ADAM22: variants seen among roughly 807,000 people sequenced by gnomAD.
The protein encoded by ADAM22 is ADAM metallopeptidase domain 22.
A neutral mutation model predicts 144.6 loss-of-function variants in ADAM22; 65 were observed. That is an observed-to-expected ratio of 0.45 (90% CI 0.37 to 0.55). The LOEUF (loss-of-function observed/expected upper bound fraction) is 0.55, where lower values mean the gene tolerates loss of function less well. ADAM22 is among the 20% of genes least tolerant of loss of function. The pLI is 0.00. For missense variants in ADAM22, 974 were observed against 1,184.9 expected, an observed-to-expected ratio of 0.82 and a Z score of 2.61; for synonymous variants, 391 against 412.6, an observed-to-expected ratio of 0.95 and a Z score of 0.63.
In ADAM22 at chr7:88,202,193, TCAA is replaced by T. The variant is rs1007906073; in HGVS notation, c.*5705_*5707del. 2.6e-5 allele frequency: 4 copies of T among 152,118 alleles called. No homozygotes were observed. The allele number at this position is 152,118 out of a possible 1,614,324, so 9.4% of individuals were successfully genotyped here. A position where few individuals can be genotyped will look rare whatever the true frequency, so the allele number is the denominator to read the frequency against. On this transcript the variant is annotated 3_prime_UTR_variant, in exon 32 of 32. Coordinates refer to ENST00000413139, the MANE Select transcript of ADAM22 (RefSeq NM_001324418.2). The stretch of plus-strand genomic sequence containing the variant: ...AGTCTTTTTAAAGGGCAAAAATGAC[TCAA>T]CACCTTTGTTTTGTATGGAAAACTT...
intron 3 of ADAM22, among the ~76,000 whole-genome samples, chr7:88,040,378 C>T (rs749536377): frequency 1.3e-5 from 2 of 151,844 alleles, no homozygotes; most frequent in African/African-American, 2.4e-5. Flanking sequence ...GTGATCCACC[C>T]GCCTCAGCCT....
chr7:88,133,399 T>A (rs1357513469), intron 12 of ADAM22, among the ~76,000 whole-genome samples: 1 of 140,324 alleles, frequency 7.1e-6, no homozygotes, highest in Non-Finnish European at 1.6e-5. Flanking sequence ...AATAAATAAA[T>A]AAAATTAAAA....
chr7:88,148,955 C>T lies in ADAM22; in HGVS notation c.1486-22C>T, dbSNP rs554920539. On this transcript the variant is annotated intron_variant, in intron 17 of 31. Transcript: ENST00000413139. ...TTTTTTTTCTCCCTACAGTTTCACA[C>T]GTTGATTTTTGTTCATTTTAGTTTC... 4.4e-6 allele frequency: 7 copies of T among 1,578,772 alleles called. No homozygotes were observed. The African/African-American group carries it at 6.8e-5, about 15-fold the overall frequency.
At chr7:88,149,495 T>C (rs1486234201) in intron 18 of ADAM22, among the ~76,000 whole-genome samples, 2 of 152,286 alleles carry the variant, frequency 1.3e-5, no homozygotes, top group African/African-American at 4.8e-5. Flanking sequence ...CAATAGCTGC[T>C]CTTGAATTTT....
At chr7:87,980,074 T>C (rs1852936180) in intron 3 of ADAM22, among the ~76,000 whole-genome samples, 1 of 152,146 alleles carries the variant, frequency 6.6e-6, no homozygotes, top group Admixed American at 6.6e-5. Context: ...AAGACTTTCT[T>C]TTCCTGAAGG....
chr7:87,967,865 CA>C (rs1849524960), intron 2 of ADAM22, among the ~76,000 whole-genome samples: 1 of 148,594 alleles, frequency 6.7e-6, no homozygotes, highest in Non-Finnish European at 1.5e-5. Flanking sequence ...CAAAGTGTGC[CA>C]AGGTGCTTAC....
chr7:88,070,082 C>G (rs1299593912), intron 3 of ADAM22, among the ~76,000 whole-genome samples: 2 of 152,052 alleles, frequency 1.3e-5, no homozygotes, highest in African/African-American at 4.8e-5. Context: ...AACTGACTGT[C>G]CATTTTGGTC....
At chr7:87,976,463 G>A (rs1851919889) in intron 2 of ADAM22, among the ~76,000 whole-genome samples, 1 of 152,192 alleles carries the variant, frequency 6.6e-6, no homozygotes, top group South Asian at 2.1e-4. Context: ...CCAGGCCAAG[G>A]AGACAGGCCT....
At chr7:88,065,742 T>G (rs900587164) in intron 3 of ADAM22, among the ~76,000 whole-genome samples, 1 of 152,122 alleles carries the variant, frequency 6.6e-6, no homozygotes, top group Admixed American at 6.6e-5. Flanking sequence ...AATTTTTCAG[T>G]GTTTCACAAT....
chr7:88,153,231 A>G lies in ADAM22; in HGVS notation c.1692A>G (p.Ala564=), dbSNP rs973982592. 3 of 1,613,194 alleles carry G rather than the reference A, an allele frequency of 1.9e-6. No homozygotes were observed. The highest frequency in any genetic ancestry group is 4.5e-5 in the East Asian group (2 of 44,850). The part of the protein sequence containing the change: ...CKYIWGQKVT[A]SDKYCYEKLN... Reference sequence around the variant, plus strand: ...TTTTTTCTGCCTTAGAGGTGACAGCATCAGACAAATATTGCTATGAGAAAC... The same window carrying G: ...TTTTTTCTGCCTTAGAGGTGACAGCGTCAGACAAATATTGCTATGAGAAAC... The change falls in exon 21 of 32, where the codon GCA becomes GCG. Residue 564 remains alanine (A), a synonymous_variant. Transcript: ENST00000413139.
chr7:88,145,045 G>T (rs1586161485), intron 15 of ADAM22, 80 bp from the exon 16 acceptor site: 1 of 1,189,732 alleles, frequency 8.4e-7, no homozygotes, highest in East Asian at 2.4e-5. Flanking sequence ...AGGTATATTT[G>T]GGTATGGCAC....
intron 30 of ADAM22, among the ~76,000 whole-genome samples, chr7:88,188,088 A>G (rs1380002152): frequency 6.6e-6 from 1 of 151,962 alleles, no homozygotes; most frequent in Admixed American, 6.6e-5. Context: ...ATCTTGGCTC[A>G]CCTGCAGTCC....
chr7:88,054,977 A>C (rs1807803513), intron 3 of ADAM22, among the ~76,000 whole-genome samples: 1 of 152,168 alleles, frequency 6.6e-6, no homozygotes, highest in South Asian at 2.1e-4. Flanking sequence ...AATTAAAGTC[A>C]GTAGTTTTTT....
At chr7:88,008,722 G>A (rs1794607052) in intron 3 of ADAM22, among the ~76,000 whole-genome samples, 1 of 151,710 alleles carries the variant, frequency 6.6e-6, no homozygotes, top group Non-Finnish European at 1.5e-5. Context: ...GACACAGGAA[G>A]GGGAACATCA....
intron 2 of ADAM22, among the ~76,000 whole-genome samples, chr7:87,955,545 C>G (rs559524626): frequency 1.7e-4 from 26 of 152,304 alleles, no homozygotes; most frequent in African/African-American, 6.3e-4. Flanking sequence ...TCTGCCCCTA[C>G]TGGGGGGTGC....
chr7:88,075,124 G>T (rs200494102), intron 3 of ADAM22, among the ~76,000 whole-genome samples: 1 of 152,088 alleles, frequency 6.6e-6, no homozygotes, highest in South Asian at 2.1e-4. Flanking sequence ...TTTCAAAAAA[G>T]AATAATTTTC....
chr7:87,954,973 C>T (rs1187894594), intron 2 of ADAM22, among the ~76,000 whole-genome samples: 71 of 152,260 alleles, frequency 4.7e-4, no homozygotes, highest in African/African-American at 1.5e-3. Flanking sequence ...CGAGCCTTGG[C>T]TTTCAGCTCC....
intron 20 of ADAM22, 80 bp downstream of exon 20, chr7:88,151,400 A>G (rs1838335347): frequency 6.0e-6 from 9 of 1,500,632 alleles, no homozygotes; most frequent in Non-Finnish European, 8.3e-6. Flanking sequence ...CTGGAAGTAA[A>G]TTTTTGACTA....
intron 5 of ADAM22, among the ~76,000 whole-genome samples, chr7:88,113,703 A>AAT (rs58099116): frequency 0.024 from 1,151 of 48,048 alleles, 51 homozygotes; most frequent in Middle Eastern, 0.071. Context: ...TAAATAAATA[A>AAT]ATATATATAT....
Sources: allele counts gnomAD v4.1 joint callset (sites outside exome capture counted in the v4.1 genomes callset), GRCh38; gene constraint gnomAD v4.1.1; transcripts MANE v1.5; gene names NCBI Gene and HGNC (gene_info 2026-07-23, HGNC 2026-07-21).